Variants in TRIM69 observed in about 807,000 individuals in gnomAD.
TRIM69 encodes the protein tripartite motif containing 69, also known as E3 ubiquitin-protein ligase TRIM69.
In TRIM69, 29 loss-of-function variants were observed where a neutral mutation model predicts 37.7. That is an observed-to-expected ratio of 0.77 (90% CI 0.57 to 1.05). The LOEUF (loss-of-function observed/expected upper bound fraction) is 1.05. Among genes scored for constraint, TRIM69 ranks in the 50% least tolerant of loss-of-function variants. TRIM69 has a pLI of 0.00. For synonymous variants in TRIM69, 209 were observed against 212.4 expected (o/e 0.98, Z 0.14); for missense variants, 596 against 579.9 (o/e 1.03, Z -0.28).
chr15:44,744,145 T>C (rs1436238030), intron 1 of TRIM69, among the ~76,000 whole-genome samples: 1 of 151,618 alleles, frequency 6.6e-6, no homozygotes, highest in African/African-American at 2.4e-5. Context: ...GATGAGTTCA[T>C]GTCCTTTTTA....
At chr15:44,763,666 T>C (rs1310484535) in intron 6 of TRIM69, among the ~76,000 whole-genome samples, 2 of 152,232 alleles carry the variant, frequency 1.3e-5, no homozygotes, top group East Asian at 3.8e-4. Context: ...ATGAATTTCA[T>C]ATTGTTTGTA....
intron 1 of TRIM69, among the ~76,000 whole-genome samples, chr15:44,750,211 G>A (rs2087489923): frequency 6.6e-6 from 1 of 152,172 alleles, no homozygotes; most frequent in South Asian, 2.1e-4. Flanking sequence ...ACTAAAAATA[G>A]TTTGTTTTTT....
At chr15:44,762,722 T>G (rs1328533392) in intron 6 of TRIM69, among the ~76,000 whole-genome samples, 1 of 152,156 alleles carries the variant, frequency 6.6e-6, no homozygotes, top group Non-Finnish European at 1.5e-5. Context: ...ATCTTTCTTA[T>G]CTCTTCTCAC....
At position 44,754,431 on chromosome 15, in the gene TRIM69, C is replaced by T. The variant is rs189741320; in HGVS notation, c.7-469C>T. ...CTGGGATTACAGGCATGAGCCACTGCGCCTGGCCTGAAATGTGTTTTTTTA... is the reference window on the plus strand; with the variant it reads ...CTGGGATTACAGGCATGAGCCACTGTGCCTGGCCTGAAATGTGTTTTTTTA... On this transcript the variant is annotated intron_variant, in intron 1 of 6. Coordinates refer to ENST00000329464, the MANE Select transcript of TRIM69 (RefSeq NM_182985.5). The T allele has an allele frequency of 2.3e-3, 362 of 155,588 alleles. 1 individual carries two copies. The highest frequency in any genetic ancestry group is 4.2e-3 in the Admixed American group (66 of 15,698). The allele number at this position is 155,588 out of a possible 1,614,324, so 9.6% of individuals were successfully genotyped here.
intron 6 of TRIM69, among the ~76,000 whole-genome samples, chr15:44,765,776 C>A (rs78736463): frequency 7.5e-6 from 1 of 133,252 alleles, no homozygotes; most frequent in Admixed American, 7.5e-5. Flanking sequence ...ACAAAACAAA[C>A]AAACAAACAA....
chr15:44,759,908 C>T (rs1230627543), intron 6 of TRIM69, 36 bp downstream of exon 6: 10 of 1,589,468 alleles, frequency 6.3e-6, no homozygotes, highest in Middle Eastern at 1.7e-4. Context: ...TCTTGAGGCT[C>T]CTAATCTACG....
At chr15:44,739,344 T>G (rs1022353937) in intron 1 of TRIM69, among the ~76,000 whole-genome samples, 3 of 152,334 alleles carry the variant, frequency 2.0e-5, no homozygotes, top group Admixed American at 2.0e-4. Context: ...GAGGTACCAG[T>G]TTCATCTCAC....
chr15:44,765,720 CT>C (rs1162252886), intron 6 of TRIM69, among the ~76,000 whole-genome samples: 1 of 151,890 alleles, frequency 6.6e-6, no homozygotes, highest in African/African-American at 2.4e-5. Context: ...TGCCACTGCA[CT>C]CCAGCCTGGG....
chr15:44,743,393 C>T (rs923861845), intron 1 of TRIM69, among the ~76,000 whole-genome samples: 7 of 152,174 alleles, frequency 4.6e-5, no homozygotes, highest in African/African-American at 1.7e-4. Flanking sequence ...CCATTCAGGA[C>T]ATAGGCATGG....
intron 1 of TRIM69, among the ~76,000 whole-genome samples, chr15:44,736,916 T>C (rs973015642): frequency 6.6e-6 from 1 of 152,184 alleles, no homozygotes. Flanking sequence ...AGGAAAGTAA[T>C]GAAATCCACC....
At chr15:44,749,983 A>G (rs2141320632) in intron 1 of TRIM69, among the ~76,000 whole-genome samples, 1 of 152,334 alleles carries the variant, frequency 6.6e-6, no homozygotes, top group East Asian at 1.9e-4. Flanking sequence ...GACTAGTAAT[A>G]CTAAGTATCT....
chr15:44,741,843 A>G (rs995367664), intron 1 of TRIM69, among the ~76,000 whole-genome samples: 5 of 152,212 alleles, frequency 3.3e-5, no homozygotes, highest in African/African-American at 1.2e-4. Context: ...CCAACCAAAA[A>G]GAGTCCAGGA....
At chr15:44,763,532 TAAG>T (rs1301238378) in intron 6 of TRIM69, among the ~76,000 whole-genome samples, 1 of 152,192 alleles carries the variant, frequency 6.6e-6, no homozygotes, top group African/African-American at 2.4e-5. Context: ...AGCCCACGCT[TAAG>T]GAGGGGATAG....
Position 44,759,747 on chromosome 15 carries a change from G to A in TRIM69, c.837-1G>A. 1.2e-6 allele frequency: 2 copies of A among 1,614,194 alleles called. No homozygotes were observed. The highest frequency in any genetic ancestry group is 1.7e-6 in the Non-Finnish European group (2 of 1,180,026). On this transcript the variant is annotated splice_acceptor_variant, in intron 5 of 6. Coordinates refer to ENST00000329464, the MANE Select transcript of TRIM69 (RefSeq NM_182985.5). LOFTEE classifies it high-confidence loss of function. ...GGATAAATGATTTATGTGCCCTGCA[G>A]CTTGGAGCAAGGAATGAAGGTGCTG...
At chr15:44,754,627 A>C (rs906880538) in intron 1 of TRIM69, 6 of 375,272 alleles carry the variant, frequency 1.6e-5, no homozygotes, top group Admixed American at 8.2e-5. Context: ...CACTTGGGGA[A>C]AGTGGGTAAA....
chr15:44,748,898 T>C (rs2087464038), intron 1 of TRIM69, among the ~76,000 whole-genome samples: 1 of 151,380 alleles, frequency 6.6e-6, no homozygotes, highest in Non-Finnish European at 1.5e-5. Context: ...ATTAATTTTT[T>C]GAGATAGGGT....
chr15:44,751,272 C>T (rs368999980), intron 1 of TRIM69, among the ~76,000 whole-genome samples: 127 of 152,080 alleles, frequency 8.4e-4, no homozygotes, highest in African/African-American at 2.9e-3. Context: ...CTCGCTACCA[C>T]GCCCAGCTAA....
In TRIM69 at chr15:44,759,812, C is replaced by CA; in HGVS notation, c.902dup (p.Tyr302ValfsTer29). On this transcript the variant is annotated frameshift_variant, in exon 6 of 7. Coordinates refer to ENST00000329464, the MANE Select transcript of TRIM69 (RefSeq NM_182985.5). LOFTEE classifies it high-confidence loss of function. ...TATTTCCAGAAAGCTGAACCTGGGCCAGTACAAAGGTCCTATCCAGTACAT... is the reference window on the plus strand; with the variant it reads ...TATTTCCAGAAAGCTGAACCTGGGCCAAGTACAAAGGTCCTATCCAGTACAT... 6.2e-7 allele frequency: 1 copy of CA among 1,614,084 alleles called. No individual in the cohort carries two copies. Among genetic ancestry groups the CA allele is most frequent in the Non-Finnish European group, 8.5e-7 (1 of 1,179,996 alleles).
rs375866898 is a variant in TRIM69, at chr15:44,767,281, C to T, written c.1012C>T (p.Leu338Phe). The change falls in exon 7 of 7, where the codon CTC (leucine) becomes TTC (phenylalanine). Residue 338 changes from leucine to phenylalanine, a missense_variant. Leu to Phe is a conservative substitution (Grantham distance 22). Transcript: ENST00000329464. Reference protein sequence around the residue: ...DPKTAHPNLVLSKSQTSVWHG... With the variant: ...DPKTAHPNLVFSKSQTSVWHG... Reference sequence around the variant, plus strand: ...TAAAACAGCTCACCCAAATCTGGTGCTCTCCAAAAGCCAAACCAGCGTCTG... The same window carrying T: ...TAAAACAGCTCACCCAAATCTGGTGTTCTCCAAAAGCCAAACCAGCGTCTG... The T allele has an allele frequency of 3.7e-6, 6 of 1,613,996 alleles. No homozygotes were observed. Among genetic ancestry groups the T allele is most frequent in the Non-Finnish European group, 5.1e-6 (6 of 1,180,020 alleles).
Sources: allele counts gnomAD v4.1 joint callset (sites outside exome capture counted in the v4.1 genomes callset), GRCh38; gene constraint gnomAD v4.1.1; transcripts MANE v1.5; gene names NCBI Gene and HGNC (gene_info 2026-07-23, HGNC 2026-07-21).